The following SHC3 variants were observed in gnomAD, a reference collection of about 807,000 sequenced individuals.
SHC3 encodes the protein SHC adaptor protein 3.
Under a neutral mutation model 60.4 loss-of-function variants are expected in SHC3, and 15 were observed. The observed-to-expected ratio is 0.25, with a 90% CI of 0.17 to 0.38. The LOEUF is 0.38. Ranked by LOEUF, SHC3 falls within the 10% of genes least tolerant of loss-of-function variation. The probability of loss-of-function intolerance (pLI) is 1.00; values close to 1 mark genes in which losing one functional copy is unlikely to be tolerated. For synonymous variants in SHC3, 294 were observed against 325.9 expected (o/e 0.90, Z 1.05); for missense variants, 677 against 786.1 (o/e 0.86, Z 1.66).
At chr9:89,091,499 A>T (rs1281438503) in intron 2 of SHC3, among the ~76,000 whole-genome samples, 1 of 152,252 alleles carries the variant, frequency 6.6e-6, no homozygotes, top group African/African-American at 2.4e-5. Context: ...ATAAATGAAA[A>T]TATTAGAAGA....
intron 8 of SHC3, 82 bp downstream of exon 8, chr9:89,046,762 G>A (rs1317053777): frequency 2.2e-6 from 3 of 1,372,048 alleles, no homozygotes; most frequent in African/African-American, 1.5e-5. Flanking sequence ...ACATCAGCCT[G>A]AAATAAAACC....
At chr9:89,039,862 A>G (rs1274416562) in intron 10 of SHC3, among the ~76,000 whole-genome samples, 1 of 151,834 alleles carries the variant, frequency 6.6e-6, no homozygotes. Context: ...TGTCATCATC[A>G]TCATCATCAC....
intron 10 of SHC3, among the ~76,000 whole-genome samples, chr9:89,041,042 G>A (rs186911628): frequency 2.3e-3 from 348 of 152,268 alleles, no homozygotes; most frequent in African/African-American, 7.6e-3. Context: ...AGTAGTTATC[G>A]TAATACCTAC....
intron 6 of SHC3, among the ~76,000 whole-genome samples, chr9:89,059,132 G>A (rs74822067): frequency 0.13 from 19,077 of 141,684 alleles, 1,282 homozygotes; most frequent in Non-Finnish European, 0.16. Context: ...GTGGAGGACG[G>A]TGGTGGAGGA....
At chr9:89,018,994 G>A (rs1260042946) in intron 11 of SHC3, among the ~76,000 whole-genome samples, 2 of 151,386 alleles carry the variant, frequency 1.3e-5, no homozygotes, top group Non-Finnish European at 2.9e-5. Context: ...GGGAGATGGA[G>A]GCTGCGGTGA....
At chr9:89,172,160 C>G (rs71510290) in intron 1 of SHC3, among the ~76,000 whole-genome samples, 15,020 of 152,292 alleles carry the variant, frequency 0.099, 868 homozygotes, top group Admixed American at 0.15. Context: ...TGGTATCTCA[C>G]TGGGGTTCAA....
At chr9:89,014,427 A>G (rs1826062279) in intron 11 of SHC3, among the ~76,000 whole-genome samples, 1 of 152,098 alleles carries the variant, frequency 6.6e-6, no homozygotes, top group South Asian at 2.1e-4. Context: ...TGGGAGTTGC[A>G]TGTTTGATAA....
chr9:89,080,734 A>AATATATATATATATATATAT (rs10591505), intron 2 of SHC3, among the ~76,000 whole-genome samples: 5 of 132,104 alleles, frequency 3.8e-5, no homozygotes, highest in African/African-American at 1.4e-4. Flanking sequence ...AACTAGGAAG[A>AATATATATATATATATATAT]ATATATATAT....
At chr9:89,099,912 A>G (rs916456956) in intron 2 of SHC3, among the ~76,000 whole-genome samples, 3 of 152,234 alleles carry the variant, frequency 2.0e-5, no homozygotes, top group Non-Finnish European at 4.4e-5. Context: ...ATCAGAAAAA[A>G]TGAATACATT....
At chr9:89,041,762 A>G (rs1824690429) in intron 10 of SHC3, among the ~76,000 whole-genome samples, 1 of 152,230 alleles carries the variant, frequency 6.6e-6, no homozygotes, top group South Asian at 2.1e-4. Context: ...GTGTATGTAT[A>G]TTGTCTCAAT....
At chr9:89,053,701 G>A (rs1824900363) in intron 6 of SHC3, among the ~76,000 whole-genome samples, 1 of 152,222 alleles carries the variant, frequency 6.6e-6, no homozygotes, top group African/African-American at 2.4e-5. Flanking sequence ...CATCCTGGTT[G>A]TCTTCTGATG....
intron 1 of SHC3, among the ~76,000 whole-genome samples, chr9:89,143,662 T>A (rs1351844368): frequency 6.6e-6 from 1 of 152,008 alleles, no homozygotes; most frequent in Middle Eastern, 3.2e-3. Context: ...TAACAGAAAT[T>A]TTTTTTGTGT....
chr9:89,045,884 T>C, intron 8 of SHC3, 51 bp from the exon 9 acceptor site: 1 of 1,583,640 alleles, frequency 6.3e-7, no homozygotes. Flanking sequence ...TCTTCTCATT[T>C]CACCACTTTT....
intron 2 of SHC3, among the ~76,000 whole-genome samples, chr9:89,107,796 C>A (rs962709703): frequency 6.6e-6 from 1 of 152,192 alleles, no homozygotes; most frequent in African/African-American, 2.4e-5. Context: ...ATTCAACCAG[C>A]CTCAGAGAAT....
At chr9:89,139,151 A>T (rs1826358338) in intron 1 of SHC3, among the ~76,000 whole-genome samples, 1 of 152,124 alleles carries the variant, frequency 6.6e-6, no homozygotes, top group Non-Finnish European at 1.5e-5. Context: ...TATTGATTTT[A>T]TCCAGATGTT....
chr9:89,031,287 G>C (rs566041933), intron 11 of SHC3, among the ~76,000 whole-genome samples: 1 of 152,142 alleles, frequency 6.6e-6, no homozygotes, highest in Admixed American at 6.5e-5. Context: ...AATTCAATGG[G>C]TTTCAGTATA....
intron 11 of SHC3, among the ~76,000 whole-genome samples, chr9:89,016,700 A>G (rs1261526239): frequency 6.6e-6 from 1 of 152,222 alleles, no homozygotes; most frequent in Admixed American, 6.5e-5. Flanking sequence ...TACCAAATCC[A>G]AACAAAGACA....
chr9:89,159,859 C>T (rs1437235718), intron 1 of SHC3, among the ~76,000 whole-genome samples: 1 of 152,238 alleles, frequency 6.6e-6, no homozygotes, highest in Non-Finnish European at 1.5e-5. Context: ...GTCTGCCTTT[C>T]CCAGCCCACT....
At chr9:89,046,603 C>A (rs1824778966) in intron 8 of SHC3, among the ~76,000 whole-genome samples, 1 of 152,106 alleles carries the variant, frequency 6.6e-6, no homozygotes, top group Non-Finnish European at 1.5e-5. Flanking sequence ...AGAGGACACC[C>A]CCAGACTCAT....
Sources: allele counts gnomAD v4.1 joint callset (sites outside exome capture counted in the v4.1 genomes callset), GRCh38; gene constraint gnomAD v4.1.1; transcripts MANE v1.5; gene names NCBI Gene and HGNC (gene_info 2026-07-23, HGNC 2026-07-21).